Variants in FAP observed in about 807,000 individuals in gnomAD.
FAP encodes prolyl endopeptidase FAP.
Under a neutral mutation model 126.5 loss-of-function variants are expected in FAP, and 110 were observed. The observed-to-expected ratio is 0.87, with a 90% CI of 0.74 to 1.02. The LOEUF (loss-of-function observed/expected upper bound fraction) is 1.02, where lower values mean the gene tolerates loss of function less well. Ranked by LOEUF, FAP falls within the 50% of genes least tolerant of loss-of-function variation. The probability of loss-of-function intolerance (pLI) is 0.00; values close to 1 mark genes in which losing one functional copy is unlikely to be tolerated. For synonymous variants in FAP, 334 were observed against 297.3 expected, an observed-to-expected ratio of 1.12 and a Z score of -1.27; for missense variants, 919 against 909.2, an observed-to-expected ratio of 1.01 and a Z score of -0.14.
chr2:162,222,352 G>A (rs893161884), intron 6 of FAP, among the ~76,000 whole-genome samples: 1 of 152,154 alleles, frequency 6.6e-6, no homozygotes, highest in African/African-American at 2.4e-5. Context: ...TAAATTTGGT[G>A]ATGATATGGA....
chr2:162,206,399 G>C (rs1020698151), intron 12 of FAP, among the ~76,000 whole-genome samples: 1 of 152,168 alleles, frequency 6.6e-6, no homozygotes, highest in African/African-American at 2.4e-5. Flanking sequence ...TACCTGGAAG[G>C]TGACATTATT....
intron 12 of FAP, among the ~76,000 whole-genome samples, chr2:162,207,963 A>C (rs915963200): frequency 1.3e-4 from 20 of 151,674 alleles, no homozygotes; most frequent in Admixed American, 1.3e-3. Flanking sequence ...TTTTTAAAAA[A>C]GTTCTACAGC....
intron 8 of FAP, among the ~76,000 whole-genome samples, chr2:162,218,561 TTAGA>T (rs3217172): frequency 0.21 from 31,034 of 148,412 alleles, 3,344 homozygotes; most frequent in Non-Finnish European, 0.23. Context: ...CACAGTTAGT[TTAGA>T]TAGATAGATA....
chr2:162,210,058 T>C, intron 11 of FAP, 62 bp from the exon 12 acceptor site: 1 of 1,430,348 alleles, frequency 7.0e-7, no homozygotes, highest in Admixed American at 1.7e-5. Context: ...CTAAATGTAA[T>C]CTGGACATTT....
intron 4 of FAP, 57 bp from the exon 5 acceptor site, chr2:162,224,597 A>G (rs1004084403): frequency 7.4e-6 from 8 of 1,087,528 alleles, no homozygotes; most frequent in Non-Finnish European, 9.5e-6. Flanking sequence ...AACCATGTAA[A>G]TTTGTAGTTT....
chr2:162,212,320 T>A (rs1205998190), intron 11 of FAP, among the ~76,000 whole-genome samples: 4 of 152,200 alleles, frequency 2.6e-5, no homozygotes, highest in Non-Finnish European at 5.9e-5. Context: ...ATAGCTAGAT[T>A]CATTGAAAAG....
At chr2:162,220,333 C>T (rs563570773) in intron 6 of FAP, among the ~76,000 whole-genome samples, 42 of 152,324 alleles carry the variant, frequency 2.8e-4, no homozygotes, top group Admixed American at 7.2e-4. Context: ...TTGAATTAAA[C>T]TCAAGTCCTT....
At chr2:162,200,671 A>T in intron 14 of FAP, 52 bp from the exon 15 acceptor site, 1 of 819,302 alleles carries the variant, frequency 1.2e-6, no homozygotes, top group Admixed American at 2.6e-5. Context: ...TGATAATAGG[A>T]TTGTTAGTAT....
Position 162,226,422 on chromosome 2 carries a change from C to CA in FAP, c.190+100dup. ...AGATAATTGTTCTTTTTGTACATTT[C>CA]AACTGATACGGCTTCAGTTACTATA... is the stretch of plus-strand genomic sequence containing the variant. On this transcript the variant is annotated intron_variant, in intron 3 of 25. Transcript: ENST00000188790. 9 of 572,398 alleles carry CA rather than the reference C, an allele frequency of 1.6e-5. No homozygotes were observed. The South Asian group carries it at 2.5e-4, about 16-fold the overall frequency. 35.5% of individuals were successfully genotyped at this position (572,398 alleles called of 1,614,324 possible). A position where few individuals can be genotyped will look rare whatever the true frequency, so the allele number is the denominator to read the frequency against.
chr2:162,171,176 A>G (rs530505415), intron 25 of FAP, 96 bp from the exon 26 acceptor site: 12 of 810,460 alleles, frequency 1.5e-5, no homozygotes, highest in South Asian at 3.2e-5. Context: ...TAATCTTTCT[A>G]TTATGGGGAA....
intron 2 of FAP, among the ~76,000 whole-genome samples, chr2:162,228,673 T>C (rs1245609497): frequency 6.6e-6 from 1 of 152,196 alleles, no homozygotes; most frequent in African/African-American, 2.4e-5. Context: ...TTGTGTACAC[T>C]ATACAGTTAT....
intron 21 of FAP, among the ~76,000 whole-genome samples, chr2:162,178,364 A>G (rs1014232648): frequency 6.6e-6 from 1 of 152,136 alleles, no homozygotes; most frequent in African/African-American, 2.4e-5. Flanking sequence ...CAACTCTGAC[A>G]CTATTGACAG....
chr2:162,218,197 G>T, intron 8 of FAP, 57 bp from the exon 9 acceptor site: 3 of 1,146,008 alleles, frequency 2.6e-6, no homozygotes, highest in African/African-American at 1.6e-5. Context: ...TAAAATCATT[G>T]TAAATACTTC....
chr2:162,181,059 G>C (rs1458902313), intron 21 of FAP, among the ~76,000 whole-genome samples: 2 of 152,176 alleles, frequency 1.3e-5, no homozygotes, highest in African/African-American at 4.8e-5. Context: ...TGAATTGCTT[G>C]AGCCTAGGGG....
At chr2:162,194,814 C>A in intron 16 of FAP, 66 bp from the exon 17 acceptor site, 5 of 1,407,908 alleles carry the variant, frequency 3.6e-6, no homozygotes, top group Non-Finnish European at 5.0e-6. Flanking sequence ...TCAAGACGGG[C>A]TGCTGGTAGT....
intron 2 of FAP, among the ~76,000 whole-genome samples, chr2:162,239,879 G>C (rs1049702111): frequency 6.6e-6 from 1 of 152,164 alleles, no homozygotes; most frequent in African/African-American, 2.4e-5. Flanking sequence ...AATCAAGTTT[G>C]TGTAGAATTT....
At chr2:162,212,517 G>A (rs76185325) in intron 11 of FAP, among the ~76,000 whole-genome samples, 330 of 152,036 alleles carry the variant, frequency 2.2e-3, no homozygotes, top group Middle Eastern at 6.8e-3. Context: ...AAAATTAGTC[G>A]AGCCTCTCAC....
rs1364355049 is a variant in FAP, at chr2:162,188,192, A to G, written c.1791T>C (p.Val597=). Residue 597 remains valine (V), a synonymous_variant, in exon 20 of 26, where the codon GTT becomes GTC. Coordinates refer to ENST00000188790, the MANE Select transcript of FAP (RefSeq NM_004460.5). ...ACCTGACAGCTGTAATCTGGTCTTC[A>G]ACTTCATAAACACCCAGCTTTCGAT... ...AVYRKLGVYE[V]EDQITAVRKF... 6.2e-7 allele frequency: 1 copy of G among 1,612,896 alleles called. No individual in the cohort carries two copies. Among genetic ancestry groups the G allele is most frequent in the East Asian group, 2.2e-5 (1 of 44,872 alleles).
chr2:162,213,242 G>A (rs1689020132), intron 11 of FAP, among the ~76,000 whole-genome samples: 1 of 151,800 alleles, frequency 6.6e-6, no homozygotes, highest in African/African-American at 2.4e-5. Context: ...TGGGCCTAGT[G>A]GTGCACACCT....
Sources: gnomAD v4.1 joint callset for allele counts (sites outside exome capture counted in the v4.1 genomes callset) on GRCh38, gnomAD v4.1.1 for gene constraint, MANE v1.5 for transcripts, NCBI Gene and HGNC (gene_info 2026-07-23, HGNC 2026-07-21) for gene names.